SEZ6: variants seen among roughly 807,000 people sequenced by gnomAD.
The protein encoded by SEZ6 is seizure protein 6 homolog.
SEZ6 carries 53 observed loss-of-function variants against 101.0 expected under a neutral mutation model. That is an observed-to-expected ratio of 0.52 (90% CI 0.42 to 0.66). The LOEUF (loss-of-function observed/expected upper bound fraction) is 0.66. Ranked by LOEUF, SEZ6 falls within the 30% of genes least tolerant of loss-of-function variation. The probability of loss-of-function intolerance (pLI) is 0.00; values close to 1 mark genes in which losing one functional copy is unlikely to be tolerated. For missense variants in SEZ6, 1,102 were observed against 1,289.4 expected (o/e 0.85, Z 2.23); for synonymous variants, 488 against 512.2 (o/e 0.95, Z 0.64).
intron 4 of SEZ6, among the ~76,000 whole-genome samples, chr17:28,965,929 A>C (rs2041059605): frequency 6.6e-6 from 1 of 150,752 alleles, no homozygotes; most frequent in Admixed American, 6.6e-5. Flanking sequence ...GCCTGAGGTC[A>C]AGAGTTCAAG....
Position 29,005,872 on chromosome 17 carries a change from T to G in SEZ6, c.-3A>C. ...AGCAGCAGGGCTACCGGGCGCATGG[T>G]GCTGGTTGCGGCCGCGCCCTGGGCT... On this transcript the variant is annotated 5_prime_UTR_variant, in exon 1 of 17. Coordinates refer to ENST00000317338, the MANE Select transcript of SEZ6 (RefSeq NM_178860.5). The surrounding 1 kb of genome is among the most constrained non-coding windows in gnomAD (Gnocchi z 4.8). 6.9e-7 allele frequency: 1 copy of G among 1,458,426 alleles called. No individual in the cohort carries two copies. 90.3% of individuals were successfully genotyped at this position (1,458,426 alleles called of 1,614,324 possible).
chr17:28,963,779 G>C (rs1457873468), intron 5 of SEZ6, among the ~76,000 whole-genome samples, 183 bp downstream of exon 5: 1 of 152,214 alleles, frequency 6.6e-6, no homozygotes, highest in Non-Finnish European at 1.5e-5. Context: ...GTTTGTACCT[G>C]TGGTGCCTTC....
intron 3 of SEZ6, among the ~76,000 whole-genome samples, chr17:28,977,937 C>A (rs1490624342): frequency 6.6e-6 from 1 of 152,124 alleles, no homozygotes; most frequent in East Asian, 1.9e-4. Context: ...CCCAGTCAGC[C>A]CAGAGTGAGG....
At chr17:28,979,894 TG>T in intron 2 of SEZ6, 81 bp from the exon 3 acceptor site, 1 of 1,195,900 alleles carries the variant, frequency 8.4e-7, no homozygotes. Flanking sequence ...TGTGTGTGTG[TG>T]TGTGTGTGTG....
intron 7 of SEZ6, chr17:28,960,236 G>A: frequency 1.7e-6 from 1 of 584,982 alleles, no homozygotes; most frequent in Non-Finnish European, 3.0e-6. Flanking sequence ...TAAGGGTTGA[G>A]GCCTTTTTTG....
In SEZ6 at chr17:28,989,744, C is replaced by G. The variant is rs535277024; in HGVS notation, c.56-7705G>C. On this transcript the variant is annotated intron_variant, in intron 1 of 16. Transcript: ENST00000317338. ...TAGTTTATAGTTTAAATGATAATAG[C>G]CCTTCCCAAAACTAAGCCACCTTTT... 2.6e-5 allele frequency among the ~76,000 whole-genome samples: 4 copies of G among 152,254 alleles called. No individual in the cohort carries two copies. The East Asian group carries it at 7.7e-4, about 29-fold the overall frequency.
chr17:28,967,550 C>T (rs767451458), intron 4 of SEZ6, among the ~76,000 whole-genome samples: 1 of 152,154 alleles, frequency 6.6e-6, no homozygotes, highest in Non-Finnish European at 1.5e-5. Flanking sequence ...GGGAGAGGTC[C>T]CAGTCCAGGA....
chr17:28,981,638 CT>C lies in SEZ6; in HGVS notation c.456del (p.Ala153LeufsTer14). ...ATGCTGGGCCCTGGAGGTAGGGGAG[CT>C]GTGATTCGAAGCATAGGGGACTCTG... The part of the protein sequence containing the change: ...PESESPMLRI[T>X]APLPPGPSMA... On this transcript the variant is annotated frameshift_variant, in exon 2 of 17. Transcript: ENST00000317338. LOFTEE classifies it high-confidence loss of function. 6.3e-7 allele frequency: 1 copy of C among 1,581,976 alleles called. No homozygotes were observed. Among genetic ancestry groups the C allele is most frequent in the South Asian group, 1.1e-5 (1 of 87,462 alleles).
chr17:28,971,488 GCA>G, intron 3 of SEZ6, among the ~76,000 whole-genome samples: 1 of 151,980 alleles, frequency 6.6e-6, no homozygotes. Flanking sequence ...AGCTACTCAA[GCA>G]GCTGAGGCAG....
intron 1 of SEZ6, among the ~76,000 whole-genome samples, chr17:28,990,428 C>T (rs1269564801): frequency 6.6e-6 from 1 of 151,952 alleles, no homozygotes; most frequent in East Asian, 1.9e-4. Context: ...CACACCCAGA[C>T]AGTTTTTTGT....
intron 5 of SEZ6, among the ~76,000 whole-genome samples, chr17:28,961,945 C>T (rs1598181681): frequency 6.6e-6 from 1 of 152,210 alleles, no homozygotes; most frequent in African/African-American, 2.4e-5. Context: ...TTCTTCTCTG[C>T]AGAAAGGACA....
chr17:28,992,249 T>C (rs1278105986), intron 1 of SEZ6, among the ~76,000 whole-genome samples: 1 of 152,216 alleles, frequency 6.6e-6, no homozygotes, highest in Non-Finnish European at 1.5e-5. Context: ...ATCCTCCTAG[T>C]TCACACAGAG....
Position 28,956,467 on chromosome 17 carries a change from A to G in SEZ6, c.2732T>C (p.Val911Ala). The change falls in exon 15 of 17, where the codon GTT (valine) becomes GCT (alanine). Residue 911 changes from valine to alanine, a missense_variant and splice_region_variant. By Grantham distance (64) the Val-to-Ala change is moderately conservative (BLOSUM62 0). Coordinates refer to ENST00000317338, the MANE Select transcript of SEZ6 (RefSeq NM_178860.5). ...GCTGGAGGCAGCAGGTGCCTTGGCAACTGAAGACACAGAGGGTGTGACTGG... is the reference window on the plus strand; with the variant it reads ...GCTGGAGGCAGCAGGTGCCTTGGCAGCTGAAGACACAGAGGGTGTGACTGG... ...DGFYNSRSLD[V>A]AKAPAASSTL... The G allele has an allele frequency of 6.4e-7, 1 of 1,551,746 alleles. No individual in the cohort carries two copies. Among genetic ancestry groups the G allele is most frequent in the Non-Finnish European group, 8.7e-7 (1 of 1,148,388 alleles).
chr17:29,003,529 T>G (rs547609219), intron 1 of SEZ6, among the ~76,000 whole-genome samples: 4 of 152,370 alleles, frequency 2.6e-5, no homozygotes, highest in Admixed American at 1.3e-4. Context: ...GCTGAAAGGC[T>G]GAGGGATGCA....
At position 28,964,155 on chromosome 17, in the gene SEZ6, CAGAG is replaced by C. The variant is rs1437883472; in HGVS notation, c.1055-12_1055-9del. The C allele has an allele frequency of 4.4e-6, 7 of 1,573,136 alleles. No individual in the cohort carries two copies. Among genetic ancestry groups the C allele is most frequent in the African/African-American group, 1.4e-5 (1 of 73,752 alleles). On this transcript the variant is annotated splice_polypyrimidine_tract_variant and intron_variant, in intron 4 of 16. Transcript: ENST00000317338. ...GGCAGCTCAGGAGATAGGCTGCAAACAGAGAACGGGTGACACTGTGTATGTGTGC... is the reference window on the plus strand; with the variant it reads ...GGCAGCTCAGGAGATAGGCTGCAAACAACGGGTGACACTGTGTATGTGTGC...
At chr17:28,961,081 G>T in intron 5 of SEZ6, 108 bp from the exon 6 acceptor site, 2 of 1,373,480 alleles carry the variant, frequency 1.5e-6, no homozygotes, top group Non-Finnish European at 2.0e-6. Flanking sequence ...GAGCAGCGGG[G>T]ACCTTGCCTC....
Position 28,956,374 on chromosome 17 carries a change from C to G in SEZ6, c.2825G>C (p.Gly942Ala). 1 of 1,573,202 alleles carries G rather than the reference C, an allele frequency of 6.4e-7. No individual in the cohort carries two copies. Among genetic ancestry groups the G allele is most frequent in the Non-Finnish European group, 8.6e-7 (1 of 1,159,072 alleles). ...CCTGGAGAAGTAGAAGTATACACCT[C>G]CTACCAACAACACCATCGCCACCAG... ...LPLVAMVLLV[G>A]GVYFYFSRLQ... The change falls in exon 15 of 17, where the codon GGA becomes GCA. Residue 942 changes from glycine (G) to alanine (A), a missense_variant. Around this residue, in one of 3 missense-constraint regions of SEZ6, gnomAD observed 140 missense variants for 135.7 expected, o/e 1.03. Transcript: ENST00000317338.
At chr17:28,970,860 T>C (rs571420349) in intron 3 of SEZ6, among the ~76,000 whole-genome samples, 5 of 152,370 alleles carry the variant, frequency 3.3e-5, no homozygotes, top group African/African-American at 9.6e-5. Flanking sequence ...CCTGCCCAAC[T>C]TGGCCCCTGC....
At position 28,960,487 on chromosome 17, in the gene SEZ6, A is replaced by G. The variant is rs755689415; in HGVS notation, c.1576+18T>C. 46 of 1,580,910 alleles carry G rather than the reference A, an allele frequency of 2.9e-5. 1 individual carries two copies. In the East Asian group the frequency reaches 1.0e-3, roughly 35 times the overall value. ...CCCCGTGGACCCGCCACCCCCAGTG[A>G]GGCCCCAGCAGGCTCACCCTCATAG... On this transcript the variant is annotated intron_variant, in intron 7 of 16. Transcript: ENST00000317338.
Sources: allele counts gnomAD v4.1 joint callset (sites outside exome capture counted in the v4.1 genomes callset), GRCh38; gene constraint gnomAD v4.1.1; regional missense constraint gnomAD v4.1.1; non-coding constraint Gnocchi (gnomAD v3.1); transcripts MANE v1.5; gene names NCBI Gene and HGNC (gene_info 2026-07-23, HGNC 2026-07-21).